The following EPHB1 variants were observed in gnomAD, a reference collection of about 807,000 sequenced individuals.
EPHB1 encodes the protein ephrin type-B receptor 1.
In EPHB1, 30 loss-of-function variants were observed where a neutral mutation model predicts 94.4. The observed-to-expected ratio is 0.32, with a 90% CI of 0.24 to 0.43. The LOEUF (loss-of-function observed/expected upper bound fraction) is 0.43. Among genes scored for constraint, EPHB1 ranks in the 20% least tolerant of loss-of-function variants. The pLI is 1.00. For missense variants in EPHB1, 1,055 were observed against 1,308.3 expected (o/e 0.81, Z 2.99); for synonymous variants, 522 against 489.1 (o/e 1.07, Z -0.89).
chr3:134,986,334 C>T (rs1934593507), intron 3 of EPHB1, among the ~76,000 whole-genome samples: 1 of 152,140 alleles, frequency 6.6e-6, no homozygotes, highest in South Asian at 2.1e-4. Context: ...TGAGATGGTT[C>T]CTTTTAAGTC....
intron 3 of EPHB1, among the ~76,000 whole-genome samples, chr3:134,952,706 GAC>G (rs1323119343): frequency 6.6e-6 from 1 of 152,170 alleles, no homozygotes; most frequent in Non-Finnish European, 1.5e-5. Flanking sequence ...GCTTCTAAAT[GAC>G]ACAGAGTAGT....
chr3:134,962,437 G>A (rs893661519), intron 3 of EPHB1, among the ~76,000 whole-genome samples: 6 of 152,138 alleles, frequency 3.9e-5, no homozygotes, highest in African/African-American at 9.7e-5. Context: ...GCCTCCCACC[G>A]ATTTTGGCAC....
At chr3:134,890,901 G>A (rs1171189604) in intron 1 of EPHB1, among the ~76,000 whole-genome samples, 1 of 151,858 alleles carries the variant, frequency 6.6e-6, no homozygotes, top group African/African-American at 2.4e-5. Flanking sequence ...TTCTATATAT[G>A]ACTTTAATAG....
intron 3 of EPHB1, among the ~76,000 whole-genome samples, chr3:134,955,105 A>ATTT (rs1174011769): frequency 4.2e-3 from 102 of 24,080 alleles, no homozygotes; most frequent in African/African-American, 6.1e-3. Flanking sequence ...TTTTTTTTTA[A>ATTT]TTTTTTTTTT....
intron 4 of EPHB1, among the ~76,000 whole-genome samples, chr3:135,122,857 C>T (rs993637879): frequency 1.3e-5 from 2 of 152,176 alleles, no homozygotes; most frequent in African/African-American, 4.8e-5. Context: ...TTTGACTAAT[C>T]ATTTCTTCTT....
intron 1 of EPHB1, among the ~76,000 whole-genome samples, chr3:134,892,521 A>G (rs1469375436): frequency 1.3e-5 from 2 of 152,196 alleles, no homozygotes; most frequent in African/African-American, 4.8e-5. Flanking sequence ...TGCACAGGAG[A>G]AAGTAACTGC....
chr3:134,924,174 T>C (rs1275545834), intron 1 of EPHB1, among the ~76,000 whole-genome samples: 1 of 152,218 alleles, frequency 6.6e-6, no homozygotes, highest in African/African-American at 2.4e-5. Flanking sequence ...AAAAAATCTT[T>C]GTGACCTTGG....
intron 1 of EPHB1, among the ~76,000 whole-genome samples, chr3:134,875,565 G>A (rs2037599310): frequency 2.0e-5 from 3 of 152,126 alleles, no homozygotes. Context: ...CATTAATGGT[G>A]CCATGGTCGC....
chr3:134,803,737 A>G (rs921209882), intron 1 of EPHB1, among the ~76,000 whole-genome samples: 1 of 152,188 alleles, frequency 6.6e-6, no homozygotes, highest in Admixed American at 6.5e-5. Flanking sequence ...CGAAGTTTCA[A>G]ACCAAAGTTT....
At chr3:134,956,619 G>A (rs920201136) in intron 3 of EPHB1, among the ~76,000 whole-genome samples, 1 of 152,024 alleles carries the variant, frequency 6.6e-6, no homozygotes, top group African/African-American at 2.4e-5. Flanking sequence ...TAAAGATAGG[G>A]GCTGGTTTTA....
Position 134,874,161 on chromosome 3 carries a change from GT to G in EPHB1, c.59-51649del, listed in dbSNP as rs371839261. Among the ~76,000 whole-genome samples, 1,406 of 152,234 alleles carry G rather than the reference GT, an allele frequency of 9.2e-3. 21 individuals are homozygous for G. The highest frequency in any genetic ancestry group is 0.027 in the African/African-American group (1,115 of 41,534). On this transcript the variant is annotated intron_variant, in intron 1 of 15. Transcript: ENST00000398015. ...TCTTTAATGTAATCTCAAAATTTGGGTTTTTTGTGGAATACTATGCAGCCAT... is the reference window on the plus strand; with the variant it reads ...TCTTTAATGTAATCTCAAAATTTGGGTTTTTGTGGAATACTATGCAGCCAT...
rs574092517 is a variant in EPHB1, at chr3:134,926,049, C to T, written c.123+169C>T. Among the ~76,000 whole-genome samples, 13 of 152,268 alleles carry T rather than the reference C, an allele frequency of 8.5e-5. 1 individual carries two copies. The highest frequency in any genetic ancestry group is 3.1e-4 in the African/African-American group (13 of 41,558). On this transcript the variant is annotated intron_variant, in intron 2 of 15. Transcript: ENST00000398015. The stretch of plus-strand genomic sequence containing the variant: ...AAAGACAGCACCAGGGGTCTCAGAC[C>T]TGAGCTGCTGCCTCGTGTGCTGATG...
chr3:135,190,592 A>G lies in EPHB1; in HGVS notation c.1883-1984A>G, dbSNP rs528266753. On this transcript the variant is annotated intron_variant, in intron 10 of 15. Transcript: ENST00000398015. ...ACACACACATATGTGACAGGTCTGT[A>G]TTGTCTAGTACTTTTCTTTAAATTT... 4.3e-5 allele frequency among the ~76,000 whole-genome samples: 5 copies of G among 117,176 alleles called. No individual in the cohort carries two copies. The South Asian group carries it at 1.2e-3, about 29-fold the overall frequency. The allele number at this position is 117,176 out of a possible 152,430, so 76.9% of individuals were successfully genotyped here.
At chr3:135,049,508 C>A (rs1223363579) in intron 3 of EPHB1, among the ~76,000 whole-genome samples, 2 of 152,230 alleles carry the variant, frequency 1.3e-5, no homozygotes, top group South Asian at 2.1e-4. Flanking sequence ...GTGACCTGGG[C>A]TCCCTCACAG....
chr3:134,879,624 C>T (rs2037687336), intron 1 of EPHB1, among the ~76,000 whole-genome samples: 1 of 152,026 alleles, frequency 6.6e-6, no homozygotes, highest in Non-Finnish European at 1.5e-5. Context: ...TGTACTCCAG[C>T]CTGGGAGACA....
intron 6 of EPHB1, among the ~76,000 whole-genome samples, chr3:135,158,101 A>G (rs1002515917): frequency 3.9e-5 from 6 of 152,210 alleles, no homozygotes; most frequent in Non-Finnish European, 7.3e-5. Flanking sequence ...AAGAGATTGT[A>G]TCTTAATAAA....
rs564596929 is a variant in EPHB1, at chr3:134,806,318, G to A, written c.58+10629G>A. On this transcript the variant is annotated intron_variant, in intron 1 of 15. Coordinates refer to ENST00000398015, the MANE Select transcript of EPHB1 (RefSeq NM_004441.5). Reference sequence around the variant, plus strand: ...CTCTGTTTCTCCTGAAATACTTGCCGTTGTCACCCAGATACCACATTGTCA... The same window carrying A: ...CTCTGTTTCTCCTGAAATACTTGCCATTGTCACCCAGATACCACATTGTCA... Among the ~76,000 whole-genome samples, 21 of 152,278 alleles carry A rather than the reference G, an allele frequency of 1.4e-4. No individual in the cohort carries two copies. In the East Asian group the frequency reaches 3.5e-3, roughly 25 times the overall value.
chr3:135,134,099 C>T (rs73862028), intron 5 of EPHB1, among the ~76,000 whole-genome samples: 6,272 of 152,314 alleles, frequency 0.041, 435 homozygotes, highest in African/African-American at 0.14. Flanking sequence ...CCGGGGTTAC[C>T]GTGCAAGGCT....
intron 11 of EPHB1, among the ~76,000 whole-genome samples, chr3:135,198,598 C>T (rs1942682084): frequency 6.6e-6 from 1 of 152,126 alleles, no homozygotes. Flanking sequence ...TTCACACACA[C>T]ACCCAGGAAG....
Sources: allele counts gnomAD v4.1 joint callset (sites outside exome capture counted in the v4.1 genomes callset), GRCh38; gene constraint gnomAD v4.1.1; transcripts MANE v1.5; gene names NCBI Gene and HGNC (gene_info 2026-07-23, HGNC 2026-07-21).